The following CHRM3 variants were observed in gnomAD, a reference collection of about 807,000 sequenced individuals.
The protein encoded by CHRM3 is cholinergic receptor muscarinic 3.
Under a neutral mutation model 41.8 loss-of-function variants are expected in CHRM3, and 11 were observed. The observed-to-expected ratio is 0.26, with a 90% CI of 0.17 to 0.44. The LOEUF (loss-of-function observed/expected upper bound fraction) is 0.44, where lower values mean the gene tolerates loss of function less well. Among genes scored for constraint, CHRM3 ranks in the 20% least tolerant of loss-of-function variants. The pLI is 1.00. For missense variants in CHRM3, 571 were observed against 745.4 expected (o/e 0.77, Z 2.72); for synonymous variants, 297 against 301.4 (o/e 0.99, Z 0.15).
chr1:239,503,478 T>C (rs1438872302), intron 2 of CHRM3, among the ~76,000 whole-genome samples: 2 of 152,104 alleles, frequency 1.3e-5, no homozygotes, highest in Non-Finnish European at 2.9e-5. Context: ...AAAGCAACCA[T>C]ACTGCCAAAA....
At chr1:239,722,175 AG>A (rs1209307772) in intron 5 of CHRM3, among the ~76,000 whole-genome samples, 2 of 151,912 alleles carry the variant, frequency 1.3e-5, no homozygotes, top group Non-Finnish European at 2.9e-5. Flanking sequence ...TGATTTTGTC[AG>A]GCGATTTATA....
intron 5 of CHRM3, among the ~76,000 whole-genome samples, chr1:239,802,615 G>A (rs527980219): frequency 2.0e-5 from 3 of 152,114 alleles, no homozygotes; most frequent in African/African-American, 4.8e-5. Flanking sequence ...TTTTGTTTTC[G>A]AGACAGGGTC....
At chr1:239,849,989 T>C (rs906236784) in intron 6 of CHRM3, among the ~76,000 whole-genome samples, 1 of 152,092 alleles carries the variant, frequency 6.6e-6, no homozygotes, top group African/African-American at 2.4e-5. Context: ...TAAATATGTT[T>C]AAATTCCTGG....
intron 3 of CHRM3, among the ~76,000 whole-genome samples, chr1:239,566,085 T>G (rs1447132680): frequency 6.6e-6 from 1 of 151,846 alleles, no homozygotes; most frequent in Non-Finnish European, 1.5e-5. Flanking sequence ...TGGCTGTATT[T>G]TTTTTTTTAA....
intron 5 of CHRM3, among the ~76,000 whole-genome samples, chr1:239,753,713 A>C (rs1036742582): frequency 2.6e-5 from 4 of 152,170 alleles, no homozygotes; most frequent in Non-Finnish European, 4.4e-5. Flanking sequence ...CGAATGCAGA[A>C]GTCTTAGCAT....
intron 4 of CHRM3, among the ~76,000 whole-genome samples, chr1:239,661,283 G>A (rs187124772): frequency 6.6e-6 from 1 of 152,218 alleles, no homozygotes; most frequent in African/African-American, 2.4e-5. Context: ...CTAAGGTAGA[G>A]ACCAAGCTGT....
intron 6 of CHRM3, among the ~76,000 whole-genome samples, chr1:239,833,031 A>C (rs1673022372): frequency 6.6e-6 from 1 of 152,006 alleles, no homozygotes; most frequent in South Asian, 2.1e-4. Flanking sequence ...TCTGGTTCAA[A>C]CACCTCTGAC....
rs148747403 is a variant in CHRM3 at position 239,826,100 on chromosome 1, A to G, written c.-146-1152A>G. On this transcript the variant is annotated intron_variant, in intron 5 of 6. Transcript: ENST00000676153. ...GTGGATAAAGAGTTTCAGTTTCGCA[A>G]GATGAAAAACATTCTAGGGAAGGAT... Among the ~76,000 whole-genome samples the G allele has an allele frequency of 1.9e-3, 294 of 152,362 alleles. 2 individuals are homozygous for G. The highest frequency in any genetic ancestry group is 6.6e-3 in the African/African-American group (276 of 41,580).
At chr1:239,415,447 A>G (rs575151360) in intron 1 of CHRM3, among the ~76,000 whole-genome samples, 8 of 152,334 alleles carry the variant, frequency 5.3e-5, no homozygotes, top group African/African-American at 1.9e-4. Flanking sequence ...CTGAAAATAA[A>G]TAAATAAATA....
chr1:239,601,039 A>G (rs1416282874), intron 3 of CHRM3, among the ~76,000 whole-genome samples: 2 of 152,228 alleles, frequency 1.3e-5, no homozygotes, highest in Admixed American at 6.5e-5. Flanking sequence ...GAAGTCAGGA[A>G]TCATCTCCCT....
chr1:239,627,867 G>C (rs564871558), intron 3 of CHRM3, among the ~76,000 whole-genome samples: 34 of 151,296 alleles, frequency 2.2e-4, no homozygotes, highest in Admixed American at 2.2e-3. Context: ...TCTGCCGAGA[G>C]ATCCGCTGTT....
At chr1:239,804,091 C>T (rs1216400583) in intron 5 of CHRM3, among the ~76,000 whole-genome samples, 1 of 152,204 alleles carries the variant, frequency 6.6e-6, no homozygotes, top group Non-Finnish European at 1.5e-5. Flanking sequence ...TGTCCCTTCT[C>T]AGGGAGCTTT....
At chr1:239,775,936 G>A (rs1476166536) in intron 5 of CHRM3, among the ~76,000 whole-genome samples, 7 of 152,266 alleles carry the variant, frequency 4.6e-5, no homozygotes, top group Admixed American at 3.9e-4. Flanking sequence ...TGATTATAGT[G>A]TAACATTGTG....
intron 4 of CHRM3, among the ~76,000 whole-genome samples, chr1:239,659,393 C>G (rs925217980): frequency 6.6e-6 from 1 of 152,144 alleles, no homozygotes; most frequent in Non-Finnish European, 1.5e-5. Flanking sequence ...TCCCTTCACT[C>G]TGTGTCTCTC....
At chr1:239,396,943 C>A (rs529078148) in intron 1 of CHRM3, among the ~76,000 whole-genome samples, 2 of 152,284 alleles carry the variant, frequency 1.3e-5, no homozygotes, top group Non-Finnish European at 2.9e-5. Flanking sequence ...AACCAATCTG[C>A]TTAAAATGGC....
intron 5 of CHRM3, among the ~76,000 whole-genome samples, chr1:239,736,686 G>A (rs1664421384): frequency 6.6e-6 from 1 of 152,104 alleles, no homozygotes; most frequent in African/African-American, 2.4e-5. Flanking sequence ...TGCTGACCTT[G>A]CTAATGTTAG....
chr1:239,909,370 C>A lies in CHRM3; in HGVS notation c.*146C>A. 1.4e-6 allele frequency: 1 copy of A among 709,326 alleles called. No individual in the cohort carries two copies. Among genetic ancestry groups the A allele is most frequent in the Non-Finnish European group, 2.3e-6 (1 of 442,114 alleles). The allele number at this position is 709,326 out of a possible 1,614,324, so 43.9% of individuals were successfully genotyped here. A position where few individuals can be genotyped will look rare whatever the true frequency, so the allele number is the denominator to read the frequency against. On this transcript the variant is annotated 3_prime_UTR_variant, in exon 7 of 7. Transcript: ENST00000676153. ...GAAAGAAGCTGCCTGTTTACTGATCCATTGAATAAACCCATTTTAATAGAA... is the reference window on the plus strand; with the variant it reads ...GAAAGAAGCTGCCTGTTTACTGATCAATTGAATAAACCCATTTTAATAGAA...
At position 239,438,741 on chromosome 1, in the gene CHRM3, C is replaced by T. The variant is rs187754132; in HGVS notation, c.-521+51514C>T. On this transcript the variant is annotated intron_variant, in intron 1 of 6. Coordinates refer to ENST00000676153, the MANE Select transcript of CHRM3 (RefSeq NM_001375978.1). ...GGTGTGAATCCCTTGTAAAGAACATCGAGGCTTTCTGATAAGTGTGCATCT... is the reference window on the plus strand; with the variant it reads ...GGTGTGAATCCCTTGTAAAGAACATTGAGGCTTTCTGATAAGTGTGCATCT... Among the ~76,000 whole-genome samples the T allele has an allele frequency of 7.4e-4, 113 of 152,226 alleles. 1 individual carries two copies. In the South Asian group the frequency reaches 0.013, roughly 18 times the overall value.
At chr1:239,421,759 T>A (rs969830801) in intron 1 of CHRM3, among the ~76,000 whole-genome samples, 1 of 152,216 alleles carries the variant, frequency 6.6e-6, no homozygotes, top group Non-Finnish European at 1.5e-5. Flanking sequence ...TCATCTCTAC[T>A]GTATTCCTCA....
Sources: allele counts gnomAD v4.1 joint callset (sites outside exome capture counted in the v4.1 genomes callset), GRCh38; gene constraint gnomAD v4.1.1; transcripts MANE v1.5; gene names NCBI Gene and HGNC (gene_info 2026-07-23, HGNC 2026-07-21).